Variants in EI24 observed in about 807,000 individuals in gnomAD.
EI24 encodes the protein EI24 autophagy associated transmembrane protein, also known as etoposide-induced protein 2.4 homolog.
EI24 carries 21 observed loss-of-function variants against 48.6 expected under a neutral mutation model. The observed-to-expected ratio is 0.43, with a 90% confidence interval of 0.31 to 0.62. The LOEUF is 0.62. Among genes scored for constraint, EI24 ranks in the 20% least tolerant of loss-of-function variants. The pLI, the probability that EI24 is intolerant of heterozygous loss-of-function variation, is 0.10. For missense variants in EI24, 280 were observed against 410.5 expected, an observed-to-expected ratio of 0.68 and a Z score of 2.75; for synonymous variants, 114 against 145.5, an observed-to-expected ratio of 0.78 and a Z score of 1.56.
chr11:125,576,187 T>C, intron 3 of EI24, 68 bp from the exon 4 acceptor site: 1 of 1,427,614 alleles, frequency 7.0e-7, no homozygotes, highest in Non-Finnish European at 9.8e-7. Flanking sequence ...AGATATAAAA[T>C]GAACTACTGA....
chr11:125,577,690 T>G, intron 5 of EI24, 120 bp downstream of exon 5: 1 of 869,524 alleles, frequency 1.2e-6, no homozygotes, highest in Non-Finnish European at 1.8e-6. Flanking sequence ...TTTTCTTTTT[T>G]GTTGTTTTAT....
chr11:125,578,352 A>G, intron 6 of EI24, 95 bp downstream of exon 6: 1 of 1,532,828 alleles, frequency 6.5e-7, no homozygotes, highest in Non-Finnish European at 8.9e-7. Context: ...ATGTAGGGGG[A>G]CCTGTTTTTC....
chr11:125,570,316 A>C (rs1054976622), intron 1 of EI24: 1 of 152,162 alleles, frequency 6.6e-6, no homozygotes, highest in African/African-American at 2.4e-5. Context: ...ATGCATCTTC[A>C]TCTGTCTAGC....
At chr11:125,583,076 C>T (rs554066019) in intron 10 of EI24, among the ~76,000 whole-genome samples, 1 of 152,264 alleles carries the variant, frequency 6.6e-6, no homozygotes, top group East Asian at 1.9e-4. Flanking sequence ...GACTGCATTA[C>T]ATTCATGGCA....
intron 6 of EI24, 129 bp from the exon 7 acceptor site, chr11:125,578,820 C>T: frequency 1.8e-6 from 2 of 1,113,422 alleles, no homozygotes; most frequent in Non-Finnish European, 2.5e-6. Context: ...CACATGCCAT[C>T]GTGCCCAGCT....
At position 125,582,340 on chromosome 11, in the gene EI24, A is replaced by T. The variant is rs531858130; in HGVS notation, c.786-6A>T. The T allele has an allele frequency of 8.0e-5, 116 of 1,442,050 alleles. No individual in the cohort carries two copies. The highest frequency in any genetic ancestry group is 5.8e-4 in the Admixed American group (25 of 42,954). The allele number at this position is 1,442,050 out of a possible 1,614,324, so 89.3% of individuals were successfully genotyped here. A position where few individuals can be genotyped will look rare whatever the true frequency, so the allele number is the denominator to read the frequency against. ...CTAATTATTTCTTTTTTTTTTTTTT[A>T]AACAGTGGCTGCCTTTTCTCTATCC... On this transcript the variant is annotated splice_region_variant and splice_polypyrimidine_tract_variant and intron_variant, in intron 9 of 10. Coordinates refer to ENST00000278903, the MANE Select transcript of EI24 (RefSeq NM_004879.5).
chr11:125,571,643 G>T (rs1326446882), intron 1 of EI24, among the ~76,000 whole-genome samples: 1 of 152,196 alleles, frequency 6.6e-6, no homozygotes, highest in African/African-American at 2.4e-5. Context: ...TTGGGAGGCT[G>T]AGATGGATGG....
At chr11:125,571,311 A>AGATATTCT (rs1938525948) in intron 1 of EI24, among the ~76,000 whole-genome samples, 1 of 151,644 alleles carries the variant, frequency 6.6e-6, no homozygotes, top group Admixed American at 6.7e-5. Context: ...TCAGGTTCTT[A>AGATATTCT]AAAAATGCCT....
At chr11:125,573,496 C>A (rs1168168535) in intron 2 of EI24, 3 of 369,244 alleles carry the variant, frequency 8.1e-6, no homozygotes, top group Admixed American at 5.7e-5. Context: ...GTAATCTCAG[C>A]ACTTTGGGAG....
chr11:125,580,128 C>T lies in EI24; in HGVS notation c.597C>T (p.Val199=), dbSNP rs117877629. 9.5e-5 allele frequency: 153 copies of T among 1,613,736 alleles called. 1 individual carries two copies. The East Asian group carries it at 2.3e-3, about 24-fold the overall frequency. ...TGAGTCTCTTTCCCATCCATCTTGT[C>T]GGTCAGCTGGTTAGTCTCCTGCATA... ...MFVSLFPIHL[V]GQLVSLLHMS... Residue 199 remains valine, a synonymous_variant, in exon 8 of 11, where the codon GTC becomes GTT. Transcript: ENST00000278903.
chr11:125,582,460 G>A, intron 10 of EI24, 40 bp downstream of exon 10: 3 of 1,477,930 alleles, frequency 2.0e-6, no homozygotes, highest in Non-Finnish European at 2.7e-6. Flanking sequence ...CTGTGTAAAG[G>A]GTTGGGGCTG....
At chr11:125,575,138 G>C in intron 2 of EI24, 125 bp from the exon 3 acceptor site, 1 of 799,234 alleles carries the variant, frequency 1.3e-6, no homozygotes, top group Admixed American at 2.8e-5. Context: ...GAGGCAGGAG[G>C]ATCATTTGAA....
intron 3 of EI24, among the ~76,000 whole-genome samples, chr11:125,575,651 TCTAGGGAAGC>T (rs1302100232): frequency 6.6e-6 from 1 of 152,198 alleles, no homozygotes; most frequent in Admixed American, 6.5e-5. Context: ...GATAGATACT[TCTAGGGAAGC>T]CTGTGTGGAT....
At chr11:125,576,700 CAA>C (rs1237574105) in intron 4 of EI24, among the ~76,000 whole-genome samples, 1 of 152,190 alleles carries the variant, frequency 6.6e-6, no homozygotes, top group East Asian at 1.9e-4. Flanking sequence ...TAGTGATCAA[CAA>C]GAGTTAATTT....
chr11:125,582,494 C>CT (rs1203792640), intron 10 of EI24, 74 bp downstream of exon 10: 93 of 1,135,984 alleles, frequency 8.2e-5, no homozygotes, highest in Non-Finnish European at 1.1e-4. Flanking sequence ...GTCAGTGAGG[C>CT]TTTTTAAAAA....
At chr11:125,576,391 T>A in intron 4 of EI24, 76 bp downstream of exon 4, 1 of 1,318,946 alleles carries the variant, frequency 7.6e-7, no homozygotes, top group Non-Finnish European at 1.1e-6. Flanking sequence ...AACTGTTTTC[T>A]TGAAACACTG....
rs71045108 is a variant in EI24, at chr11:125,584,229, C to CAAAAAAAAAA, written c.*570_*579dup. The CAAAAAAAAAA allele has an allele frequency of 9.3e-4, 46 of 49,694 alleles. 7 individuals are homozygous for CAAAAAAAAAA. The highest frequency in any genetic ancestry group is 2.4e-3 in the East Asian group (3 of 1,252). The allele number at this position is 49,694 out of a possible 1,614,324, so 3.1% of individuals were successfully genotyped here. On this transcript the variant is annotated 3_prime_UTR_variant, in exon 11 of 11. Transcript: ENST00000278903. ...GGTTTTGGTCTCTCTTGCTCCACTG[C>CAAAAAAAAAA]AAAAAAAAAAAAAAAAAAAAAAAAA...
At chr11:125,575,568 A>G (rs1355954937) in intron 3 of EI24, among the ~76,000 whole-genome samples, 160 bp downstream of exon 3, 1 of 152,180 alleles carries the variant, frequency 6.6e-6, no homozygotes, top group East Asian at 1.9e-4. Context: ...GGGTCTAACA[A>G]TAATCCTTGC....
chr11:125,577,993 T>G, intron 5 of EI24, 140 bp from the exon 6 acceptor site: 118 of 931,278 alleles, frequency 1.3e-4, no homozygotes, highest in Non-Finnish European at 1.7e-4. Context: ...TTAGACTCTT[T>G]GAGATAGGTA....
Sources: gnomAD v4.1 joint callset for allele counts (sites outside exome capture counted in the v4.1 genomes callset) on GRCh38, gnomAD v4.1.1 for gene constraint, MANE v1.5 for transcripts, NCBI Gene and HGNC (gene_info 2026-07-23, HGNC 2026-07-21) for gene names.